RIMS2: variants seen among roughly 807,000 people sequenced by gnomAD.
RIMS2 encodes the protein regulating synaptic membrane exocytosis 2.
Under a neutral mutation model 174.4 loss-of-function variants are expected in RIMS2, and 59 were observed. The observed-to-expected ratio is 0.34, with a 90% CI of 0.27 to 0.42. RIMS2 has a LOEUF of 0.42. RIMS2 is among the 10% of genes least tolerant of loss of function. The pLI is 1.00. For synonymous variants in RIMS2, 606 were observed against 572.5 expected, an observed-to-expected ratio of 1.06 and a Z score of -0.84; for missense variants, 1,620 against 1,666.3, an observed-to-expected ratio of 0.97 and a Z score of 0.48.
At chr8:103,687,781 C>G (rs1013446890) in intron 1 of RIMS2, among the ~76,000 whole-genome samples, 2 of 152,076 alleles carry the variant, frequency 1.3e-5, no homozygotes, top group African/African-American at 2.4e-5. Context: ...CTGTGCCTGG[C>G]TTACTTCACT....
intron 2 of RIMS2, among the ~76,000 whole-genome samples, chr8:103,706,091 G>A (rs537842551): frequency 7.5e-4 from 113 of 151,340 alleles, no homozygotes; most frequent in African/African-American, 1.8e-3. Flanking sequence ...TTTCTTCGTC[G>A]TTTCTATTAG....
chr8:103,904,671 G>A (rs12155936), intron 4 of RIMS2, among the ~76,000 whole-genome samples: 24,959 of 151,874 alleles, frequency 0.16, 2,177 homozygotes, highest in Middle Eastern at 0.26. Flanking sequence ...CTTTTTACAT[G>A]TCACTGGATT....
intron 1 of RIMS2, among the ~76,000 whole-genome samples, chr8:103,645,819 A>G (rs1372237693): frequency 1.3e-5 from 2 of 152,148 alleles, no homozygotes; most frequent in Non-Finnish European, 2.9e-5. Context: ...TTTAATTTTA[A>G]TAAAGGAATA....
rs746381796 is a variant in RIMS2 at position 104,148,686 on chromosome 8, G to A, written c.3335-96230G>A. 1.2e-5 allele frequency: 19 copies of A among 1,598,230 alleles called. 1 individual carries two copies. The South Asian group carries it at 1.4e-4, about 12-fold the overall frequency. On this transcript the variant is annotated intron_variant, in intron 19 of 23. Coordinates refer to ENST00000504942, the Ensembl canonical transcript of RIMS2. ...GACAAAAAGCACCAGCATCAGTGGA[G>A]ACATGTGCTCACTGGAGAAGAATGA... is the stretch of plus-strand genomic sequence containing the variant.
chr8:103,512,457 A>C (rs530077793), intron 1 of RIMS2, among the ~76,000 whole-genome samples: 9 of 152,112 alleles, frequency 5.9e-5, no homozygotes, highest in Admixed American at 5.9e-4. Context: ...ACTCCATGTC[A>C]TCCTCATCCT....
chr8:103,581,623 A>G (rs2093624332), intron 1 of RIMS2, among the ~76,000 whole-genome samples: 1 of 152,250 alleles, frequency 6.6e-6, no homozygotes, highest in Admixed American at 6.5e-5. Context: ...AGTCCTGGCC[A>G]GAGCAATTAA....
chr8:103,974,707 A>G (rs149741570), intron 15 of RIMS2, among the ~76,000 whole-genome samples: 315 of 152,194 alleles, frequency 2.1e-3, no homozygotes, highest in African/African-American at 7.3e-3. Context: ...TCAGAATTCT[A>G]CTGTATCTCA....
At chr8:104,244,863 C>G in intron 19 of RIMS2, 53 bp from the exon 26 acceptor site, 5 of 1,483,358 alleles carry the variant, frequency 3.4e-6, no homozygotes, top group Non-Finnish European at 4.7e-6. Flanking sequence ...GCTGATATTT[C>G]TTACCACATA....
At chr8:104,094,153 A>G (rs372890369) in intron 19 of RIMS2, among the ~76,000 whole-genome samples, 1 of 152,058 alleles carries the variant, frequency 6.6e-6, no homozygotes, top group African/African-American at 2.4e-5. Flanking sequence ...TACTTGTCCT[A>G]TAGATTTTAT....
At chr8:103,708,861 T>G (rs2097266155) in intron 2 of RIMS2, among the ~76,000 whole-genome samples, 1 of 152,208 alleles carries the variant, frequency 6.6e-6, no homozygotes, top group Non-Finnish European at 1.5e-5. Flanking sequence ...TTCAAATATT[T>G]TTACTGTTCC....
chr8:104,245,079 G>A (rs917982200), intron 20 of RIMS2, 22 bp downstream of exon 26: 1 of 1,611,870 alleles, frequency 6.2e-7, no homozygotes, highest in Non-Finnish European at 8.5e-7. Context: ...TGCATGTGAT[G>A]TGTGTCTCCT....
intron 2 of RIMS2, among the ~76,000 whole-genome samples, chr8:103,737,232 G>T (rs1295249560): frequency 7.7e-6 from 1 of 129,322 alleles, no homozygotes; most frequent in Non-Finnish European, 1.6e-5. Context: ...CACCCAGGCT[G>T]GAGTGCAGTG....
intron 1 of RIMS2, among the ~76,000 whole-genome samples, chr8:103,526,563 A>G (rs1257167174): frequency 1.3e-5 from 2 of 152,234 alleles, no homozygotes; most frequent in Non-Finnish European, 2.9e-5. Flanking sequence ...TGTTTAGACT[A>G]GCAAAATATA....
chr8:104,013,496 A>G, exon 18 of RIMS2: 1 of 1,613,924 alleles, frequency 6.2e-7, no homozygotes, highest in Non-Finnish European at 8.5e-7. Context: ...CAACAGAACA[A>G]CGGCCTCTCC....
intron 1 of RIMS2, among the ~76,000 whole-genome samples, chr8:103,629,421 C>T (rs1302226466): frequency 6.6e-6 from 1 of 152,160 alleles, no homozygotes; most frequent in Non-Finnish European, 1.5e-5. Context: ...CGGGATAACA[C>T]ATAAGTGGGG....
exon 7 of RIMS2, chr8:103,915,511 T>C (rs1051705184): frequency 2.1e-5 from 33 of 1,600,566 alleles, no homozygotes; most frequent in Non-Finnish European, 2.8e-5. Context: ...GGAGGAAAGA[T>C]GACTGAATCA....
intron 19 of RIMS2, among the ~76,000 whole-genome samples, chr8:104,101,015 C>T (rs945991468): frequency 6.9e-5 from 9 of 131,080 alleles, no homozygotes; most frequent in African/African-American, 2.7e-4. Context: ...TGATATATTA[C>T]ATATGTAATA....
chr8:103,983,800 A>G (rs940223182), intron 16 of RIMS2, among the ~76,000 whole-genome samples: 3 of 152,208 alleles, frequency 2.0e-5, no homozygotes, highest in Admixed American at 6.5e-5. Context: ...AACTATTACA[A>G]GAAAACATTC....
intron 2 of RIMS2, among the ~76,000 whole-genome samples, chr8:103,706,997 C>T (rs2097239170): frequency 2.0e-5 from 3 of 151,870 alleles, no homozygotes; most frequent in South Asian, 2.1e-4. Flanking sequence ...CTTTTTTATC[C>T]TATGCGAATT....
Sources: allele counts gnomAD v4.1 joint callset (sites outside exome capture counted in the v4.1 genomes callset), GRCh38; gene constraint gnomAD v4.1.1; transcripts MANE v1.5; gene names NCBI Gene and HGNC (gene_info 2026-07-23, HGNC 2026-07-21).